The following ZNF208 variants were observed in gnomAD, a reference collection of about 807,000 sequenced individuals.
ZNF208 encodes the protein zinc finger protein 208.
Under a neutral mutation model 12.1 loss-of-function variants are expected in ZNF208, and 10 were observed. That is an observed-to-expected ratio of 0.83 (90% CI 0.51 to 1.40). The LOEUF (loss-of-function observed/expected upper bound fraction) is 1.40. ZNF208 is among the 40% of genes most tolerant of loss of function. The probability of loss-of-function intolerance (pLI) is 0.00; values close to 1 mark genes in which losing one functional copy is unlikely to be tolerated. For missense variants in ZNF208, 1,652 were observed against 1,485.0 expected (o/e 1.11, Z -1.85); for synonymous variants, 497 against 488.4 (o/e 1.02, Z -0.23).
chr19:21,973,146 T>A lies in ZNF208; in HGVS notation c.1888A>T (p.Ile630Phe). The change falls in exon 4 of 4, where the codon ATT becomes TTT. Residue 630 changes from isoleucine to phenylalanine, a missense_variant. Physicochemically the swap from Ile to Phe is conservative, Grantham distance 21. This residue lies in a region of ZNF208 where 1,239 missense variants were observed against 1,086.2 expected (regional missense o/e 1.14). Transcript: ENST00000397126. ...TTGTAGGGCTTCTCTCCAGCATGAA[T>A]TGCCTTATGTGTAGTAAGGGTTGAG... ...KVSTLTTHKA[I>F]HAGEKPYKCK... 6.2e-7 allele frequency: 1 copy of A among 1,613,524 alleles called. No homozygotes were observed. The highest frequency in any genetic ancestry group is 1.1e-5 in the South Asian group (1 of 91,016).
downstream of ZNF208, among the ~76,000 whole-genome samples, chr19:21,964,154 AAG>A (rs1303190122): frequency 1.3e-5 from 2 of 151,872 alleles, no homozygotes; most frequent in African/African-American, 2.4e-5. Flanking sequence ...CTTTTTTTAT[AAG>A]AGAGAGTGAA....
intron 1 of ZNF208, among the ~76,000 whole-genome samples, chr19:22,006,150 C>T (rs1283928907): frequency 2.0e-5 from 3 of 152,174 alleles, no homozygotes; most frequent in African/African-American, 7.2e-5. Flanking sequence ...GATTCAGTGT[C>T]TGAAGAACAC....
At chr19:22,001,902 AAAAAAAAAAAAAAAAAAAAG>A (rs1970958574) in intron 1 of ZNF208, among the ~76,000 whole-genome samples, 1 of 64,442 alleles carries the variant, frequency 1.6e-5, no homozygotes. Flanking sequence ...CAAAAAAAAA[AAAAAAAAAAAAAAAAAAAAG>A]AAAAAAGAAA....
intron 3 of ZNF208, 69 bp from the exon 4 acceptor site, chr19:21,974,876 A>T: frequency 3.5e-6 from 5 of 1,435,312 alleles, no homozygotes; most frequent in Non-Finnish European, 3.7e-6. Flanking sequence ...TCTAAATCTA[A>T]ACTATAAAAT....
At chr19:21,995,121 TGG>T (rs1970810479) in intron 1 of ZNF208, among the ~76,000 whole-genome samples, 1 of 151,964 alleles carries the variant, frequency 6.6e-6, no homozygotes, top group South Asian at 2.1e-4. Context: ...CCAGCTAATT[TGG>T]GTATTTTTAG....
chr19:21,972,047 G>C lies in ZNF208; in HGVS notation c.2987C>G (p.Thr996Ser). The C allele has an allele frequency of 1.2e-6, 2 of 1,613,822 alleles. No individual in the cohort carries two copies. Among genetic ancestry groups the C allele is most frequent in the East Asian group, 4.5e-5 (2 of 44,854 alleles). Residue 996 changes from threonine (T) to serine (S), a missense_variant, in exon 4 of 4, where the codon ACT (threonine) becomes AGT (serine). Physicochemically the swap from Thr to Ser is moderately conservative, Grantham distance 58 (BLOSUM62 1). Transcript: ENST00000397126. The part of the protein sequence containing the change: ...SILTKHKVIH[T>S]GEKPYKCEEC... ...TTCACATTTGTAGGGTTTCTCTCCAGTATGAATTACCTTATGTTTAGTAAG... is the reference window on the plus strand; with the variant it reads ...TTCACATTTGTAGGGTTTCTCTCCACTATGAATTACCTTATGTTTAGTAAG...
At chr19:21,953,012 G>A (rs759632607) in intron 4 of ZNF208, among the ~76,000 whole-genome samples, 36 of 149,952 alleles carry the variant, frequency 2.4e-4, no homozygotes, top group Admixed American at 4.0e-4. Context: ...ATGAGAACAC[G>A]ATGCATGCAC....
Position 21,974,470 on chromosome 19 carries a change from T to C in ZNF208, c.564A>G (p.Leu188=). ...TAGTATAAATTCTTTTATGTTGAGA[T>C]AGGTGTGAAAGCATGCAAAATGATC... The part of the protein sequence containing the change: ...YVRSFCMLSH[L]SQHKRIYTRE... The change falls in exon 4 of 4, where the codon CTA becomes CTG. Residue 188 remains leucine (L), a synonymous_variant. Transcript: ENST00000397126. 4 of 1,613,678 alleles carry C rather than the reference T, an allele frequency of 2.5e-6. No homozygotes were observed. The highest frequency in any genetic ancestry group is 2.7e-5 in the African/African-American group (2 of 75,040).
intron 4 of ZNF208, among the ~76,000 whole-genome samples, chr19:21,960,323 TA>T (rs901599252): frequency 1.3e-5 from 2 of 152,018 alleles, no homozygotes; most frequent in Admixed American, 1.3e-4. Context: ...GGCATAGAAA[TA>T]AAGGTATCTA....
chr19:21,984,831 C>T (rs941106410), intron 3 of ZNF208, among the ~76,000 whole-genome samples: 7 of 152,078 alleles, frequency 4.6e-5, no homozygotes, highest in African/African-American at 1.2e-4. Context: ...CATTAAAGTT[C>T]CTGATTTCAA....
At chr19:21,941,741 T>G (rs1400512226) in intron 4 of ZNF208, among the ~76,000 whole-genome samples, 1 of 152,164 alleles carries the variant, frequency 6.6e-6, no homozygotes, top group Non-Finnish European at 1.5e-5. Flanking sequence ...AAGTAACAAA[T>G]AATGTATCTG....
At chr19:21,982,192 C>G (rs1442261993) in intron 3 of ZNF208, among the ~76,000 whole-genome samples, 1 of 151,702 alleles carries the variant, frequency 6.6e-6, no homozygotes. Context: ...CCCATCTCTA[C>G]TAAAAACACA....
Position 21,972,408 on chromosome 19 carries a change from G to A in ZNF208, c.2626C>T (p.Leu876Phe). 2 of 1,611,860 alleles carry A rather than the reference G, an allele frequency of 1.2e-6. No homozygotes were observed. The highest frequency in any genetic ancestry group is 2.2e-5 in the South Asian group (2 of 90,920). ...CGKAYKWPST[L>F]SYHKKIHTGE... ...GTATGAATTTTCTTATGATAACTAA[G>A]GGTTGAGGGCCATTTATAGGCTTTG... Residue 876 changes from leucine (L) to phenylalanine (F), a missense_variant, in exon 4 of 4, where the codon CTT becomes TTT. By Grantham distance (22) the Leu-to-Phe change is conservative (BLOSUM62 0). Coordinates refer to ENST00000397126, the MANE Select transcript of ZNF208 (RefSeq NM_007153.3).
At chr19:21,948,680 A>G (rs1359961640) in intron 4 of ZNF208, among the ~76,000 whole-genome samples, 2 of 152,208 alleles carry the variant, frequency 1.3e-5, no homozygotes, top group Non-Finnish European at 2.9e-5. Flanking sequence ...TGATACATAT[A>G]TAGAGTCTTT....
chr19:21,996,706 AC>A, intron 1 of ZNF208, among the ~76,000 whole-genome samples: 1 of 152,170 alleles, frequency 6.6e-6, no homozygotes, highest in Non-Finnish European at 1.5e-5. Context: ...GTGGATTCTC[AC>A]GTCTACAGGT....
chr19:21,981,018 G>T (rs1375952173), intron 3 of ZNF208, among the ~76,000 whole-genome samples: 1 of 152,076 alleles, frequency 6.6e-6, no homozygotes, highest in African/African-American at 2.4e-5. Flanking sequence ...TCAGGAAGAA[G>T]TCAAATCCCT....
At chr19:21,959,679 C>T (rs942986687) in intron 4 of ZNF208, among the ~76,000 whole-genome samples, 1 of 152,164 alleles carries the variant, frequency 6.6e-6, no homozygotes, top group African/African-American at 2.4e-5. Context: ...TTGAAGATTA[C>T]ACTGCATGGT....
chr19:21,997,453 T>A (rs1970857319), intron 1 of ZNF208, among the ~76,000 whole-genome samples: 1 of 152,070 alleles, frequency 6.6e-6, no homozygotes. Flanking sequence ...TTTTGGCTAT[T>A]TACATTTTAA....
rs1046164440 is a variant in ZNF208, at chr19:21,988,884, G to C, written c.29C>G (p.Ala10Gly). MGSLTFRDV[A>G]IEFSLEEWQC... is the part of the protein sequence containing the mutation. Reference sequence around the variant, plus strand: ...CCACTCCTCCAGAGAGAATTCTATGGCCACATCCCTAAATGTCAATGATCC... The same window carrying C: ...CCACTCCTCCAGAGAGAATTCTATGCCCACATCCCTAAATGTCAATGATCC... The change falls in exon 2 of 4, where the codon GCC (alanine) becomes GGC (glycine). Residue 10 changes from alanine (A) to glycine (G), a missense_variant. Transcript: ENST00000397126. The C allele has an allele frequency of 1.2e-6, 2 of 1,613,920 alleles. No individual in the cohort carries two copies. Among genetic ancestry groups the C allele is most frequent in the Non-Finnish European group, 1.7e-6 (2 of 1,179,956 alleles).
Sources: allele counts gnomAD v4.1 joint callset (sites outside exome capture counted in the v4.1 genomes callset), GRCh38; gene constraint gnomAD v4.1.1; regional missense constraint gnomAD v4.1.1; transcripts MANE v1.5; gene names NCBI Gene and HGNC (gene_info 2026-07-23, HGNC 2026-07-21).